KYAT1: variants seen among roughly 807,000 people sequenced by gnomAD.
The protein encoded by KYAT1 is kynurenine aminotransferase 1, also known as kynurenine--oxoglutarate transaminase 1.
Under a neutral mutation model 52.4 loss-of-function variants are expected in KYAT1, and 47 were observed. The observed-to-expected ratio is 0.90, with a 90% CI of 0.71 to 1.14. KYAT1 has a LOEUF of 1.14. Among genes scored for constraint, KYAT1 ranks in the 50% most tolerant of loss-of-function variants. The pLI is 0.00. For missense variants in KYAT1, 480 were observed against 557.9 expected, an observed-to-expected ratio of 0.86 and a Z score of 1.41; for synonymous variants, 212 against 209.6, an observed-to-expected ratio of 1.01 and a Z score of -0.10.
intron 1 of KYAT1, among the ~76,000 whole-genome samples, chr9:128,850,464 A>C (rs1025542038): frequency 1.3e-5 from 2 of 152,168 alleles, no homozygotes; most frequent in African/African-American, 4.8e-5. Flanking sequence ...TTGTTAACAA[A>C]ATGTTTACAA....
At chr9:128,842,484 C>T (rs1177800050) in intron 3 of KYAT1, among the ~76,000 whole-genome samples, 170 bp downstream of exon 3, 3 of 152,188 alleles carry the variant, frequency 2.0e-5, no homozygotes, top group Non-Finnish European at 4.4e-5. Context: ...CCCACTAGAC[C>T]ACGAGGCGAA....
chr9:128,841,090 G>A (rs1393706138), intron 3 of KYAT1, among the ~76,000 whole-genome samples: 1 of 152,212 alleles, frequency 6.6e-6, no homozygotes. Context: ...GAACGAGTGC[G>A]GTCGGGTGCG....
At chr9:128,847,692 T>C (rs1022785246) in intron 1 of KYAT1, 39 of 557,456 alleles carry the variant, frequency 7.0e-5, no homozygotes, top group South Asian at 5.7e-4. Flanking sequence ...AATATGGTCA[T>C]TGCGTGCCAG....
intron 1 of KYAT1, among the ~76,000 whole-genome samples, chr9:128,864,739 G>C (rs1835967146): frequency 6.6e-6 from 1 of 151,990 alleles, no homozygotes; most frequent in African/African-American, 2.4e-5. Context: ...CTCCCGAGTA[G>C]CTGGGACTAC....
At chr9:128,847,675 C>CAAT (rs1416489115) in intron 1 of KYAT1, 2 of 577,694 alleles carry the variant, frequency 3.5e-6, no homozygotes, top group Non-Finnish European at 6.2e-6. Flanking sequence ...ACAACAACAA[C>CAAT]AACAACAATA....
chr9:128,844,484 G>C (rs1045417222), intron 2 of KYAT1, among the ~76,000 whole-genome samples: 2 of 150,722 alleles, frequency 1.3e-5, no homozygotes, highest in East Asian at 3.9e-4. Context: ...TTCGAGACCA[G>C]CCTGGCAAAC....
chr9:128,839,419 A>T (rs1831730581), intron 3 of KYAT1, among the ~76,000 whole-genome samples: 1 of 152,056 alleles, frequency 6.6e-6, no homozygotes, highest in Admixed American at 6.6e-5. Context: ...TTGTTTGCTG[A>T]GGACACTTAT....
chr9:128,835,333 A>AT lies in KYAT1; in HGVS notation c.1111dup (p.Ile371AsnfsTer16). On this transcript the variant is annotated frameshift_variant, in exon 11 of 13. Transcript: ENST00000302586. LOFTEE classifies it high-confidence loss of function. ...AGAGGCCCAGCCCACCTTGTTCTTGATCATCCACTTGACGAAGCGTCTGTC... is the reference window on the plus strand; with the variant it reads ...AGAGGCCCAGCCCACCTTGTTCTTGATTCATCCACTTGACGAAGCGTCTGTC... 1 of 1,613,610 alleles carries AT rather than the reference A, an allele frequency of 6.2e-7. No homozygotes were observed. Among genetic ancestry groups the AT allele is most frequent in the Non-Finnish European group, 8.5e-7 (1 of 1,179,826 alleles).
In KYAT1 at chr9:128,836,045, G is replaced by A; in HGVS notation, c.717C>T (p.Thr239=). The A allele has an allele frequency of 1.9e-6, 3 of 1,614,014 alleles. No individual in the cohort carries two copies. The highest frequency in any genetic ancestry group is 2.5e-6 in the Non-Finnish European group (3 of 1,179,914). Reference sequence around the variant, plus strand: ...TCTTGCCGGCGCTGCCGATGGTCAGGGTCCGTTCCCACATGCCAGGGAGGC... The same window carrying A: ...TCTTGCCGGCGCTGCCGATGGTCAGAGTCCGTTCCCACATGCCAGGGAGGC... ...IASLPGMWER[T]LTIGSAGKTF... is the part of the protein sequence containing the mutation. The change falls in exon 8 of 13, where the codon ACC becomes ACT. Residue 239 remains threonine, a synonymous_variant. Coordinates refer to ENST00000302586, the MANE Select transcript of KYAT1 (RefSeq NM_004059.5).
chr9:128,849,561 C>T (rs1449587407), intron 1 of KYAT1, among the ~76,000 whole-genome samples: 3 of 151,626 alleles, frequency 2.0e-5, no homozygotes, highest in South Asian at 2.1e-4. Context: ...TTTGGGAGGC[C>T]GAGGCAGGCT....
intron 1 of KYAT1, among the ~76,000 whole-genome samples, chr9:128,871,782 C>T (rs1837262660): frequency 6.6e-6 from 1 of 152,122 alleles, no homozygotes; most frequent in Non-Finnish European, 1.5e-5. Context: ...TATACACATA[C>T]ACATACATAT....
intron 1 of KYAT1, among the ~76,000 whole-genome samples, chr9:128,861,697 A>T (rs767625028): frequency 6.6e-6 from 1 of 152,184 alleles, no homozygotes; most frequent in Non-Finnish European, 1.5e-5. Flanking sequence ...CCCAGGAGGG[A>T]CATTCCTTGG....
chr9:128,872,006 G>A (rs1837298918), intron 1 of KYAT1, among the ~76,000 whole-genome samples: 1 of 151,718 alleles, frequency 6.6e-6, no homozygotes, highest in Non-Finnish European at 1.5e-5. Context: ...GCACACGCCT[G>A]TAGTCCCAGC....
chr9:128,835,714 G>A (rs765190007), intron 9 of KYAT1, 47 bp from the exon 10 acceptor site: 45 of 1,603,976 alleles, frequency 2.8e-5, no homozygotes, highest in Middle Eastern at 1.6e-4. Flanking sequence ...GTTCCCTGAC[G>A]CGGGGGCCAG....
chr9:128,868,052 C>T (rs548259331), intron 1 of KYAT1, among the ~76,000 whole-genome samples: 90 of 151,238 alleles, frequency 6.0e-4, no homozygotes, highest in African/African-American at 2.0e-3. Flanking sequence ...GGATTACAGG[C>T]GTGAGCCACT....
chr9:128,857,150 A>T (rs7022490), intron 1 of KYAT1, among the ~76,000 whole-genome samples: 24,687 of 152,284 alleles, frequency 0.16, 2,535 homozygotes, highest in African/African-American at 0.29. Context: ...ACATGCAGGC[A>T]TAGTACCTCC....
chr9:128,870,950 C>CA (rs11334239), intron 1 of KYAT1, among the ~76,000 whole-genome samples: 9,458 of 97,964 alleles, frequency 0.097, 292 homozygotes, highest in Middle Eastern at 0.11. Context: ...ACCTCAATTA[C>CA]AAAAAAAAAA....
rs1454308540 is a variant in KYAT1 at position 128,846,958 on chromosome 9, TAACAGATG to T, written c.-6-1555_-6-1548del. ...TAGAGGTGCCACAATAGTCTCCATC[TAACAGATG>T]AGGACACTGAGGCTTGAAGAGGCTC... On this transcript the variant is annotated intron_variant, in intron 1 of 12. Transcript: ENST00000302586. The T allele has an allele frequency of 1.1e-4, 124 of 1,090,404 alleles. 1 individual carries two copies. In the Admixed American group the frequency reaches 3.1e-3, roughly 27 times the overall value. The allele number at this position is 1,090,404 out of a possible 1,614,324, so 67.5% of individuals were successfully genotyped here.
intron 1 of KYAT1, chr9:128,860,634 C>T (rs1328049113): frequency 6.6e-6 from 1 of 150,480 alleles, no homozygotes; most frequent in African/African-American, 2.5e-5. Context: ...TGCGCAATCT[C>T]GGCTCACTGC....
Sources: allele counts gnomAD v4.1 joint callset (sites outside exome capture counted in the v4.1 genomes callset), GRCh38; gene constraint gnomAD v4.1.1; transcripts MANE v1.5; gene names NCBI Gene and HGNC (gene_info 2026-07-23, HGNC 2026-07-21).